The following RMDN2 variants were observed in gnomAD, a reference collection of about 807,000 sequenced individuals.
The protein encoded by RMDN2 is regulator of microtubule dynamics 2.
Under a neutral mutation model 52.8 loss-of-function variants are expected in RMDN2, and 61 were observed. The ratio of observed to expected loss-of-function variants is 1.16; its 90% CI spans 0.94 to 1.43. The LOEUF (loss-of-function observed/expected upper bound fraction) is 1.43. Among genes scored for constraint, RMDN2 ranks in the 40% most tolerant of loss-of-function variants. RMDN2 has a pLI of 0.00. For missense variants in RMDN2, 592 were observed against 475.3 expected, an observed-to-expected ratio of 1.25 and a Z score of -2.28; for synonymous variants, 180 against 153.1, an observed-to-expected ratio of 1.18 and a Z score of -1.30.
intron 10 of RMDN2, among the ~76,000 whole-genome samples, chr2:38,023,234 G>C (rs1679527680): frequency 6.6e-6 from 1 of 152,216 alleles, no homozygotes; most frequent in African/African-American, 2.4e-5. Flanking sequence ...CAGAGTCCAT[G>C]CTGTGGTCAG....
intron 10 of RMDN2, among the ~76,000 whole-genome samples, chr2:38,013,647 A>G (rs982144381): frequency 6.6e-6 from 1 of 152,220 alleles, no homozygotes. Flanking sequence ...CTTAATTAAG[A>G]TATCATATTT....
intron 3 of RMDN2, 45 bp downstream of exon 3, chr2:37,974,259 T>G (rs1239864722): frequency 8.9e-6 from 11 of 1,238,324 alleles, no homozygotes; most frequent in Non-Finnish European, 1.2e-5. Context: ...CATTTTTTAA[T>G]TTAATCTGCC....
chr2:38,034,647 T>C (rs1680451792), intron 10 of RMDN2, among the ~76,000 whole-genome samples: 1 of 151,440 alleles, frequency 6.6e-6, no homozygotes, highest in South Asian at 2.1e-4. Flanking sequence ...TCTAAACCCA[T>C]GCTCTCCAAA....
Position 38,004,056 on chromosome 2 carries a change from C to G in RMDN2, c.1098+12C>G. On this transcript the variant is annotated intron_variant, in intron 9 of 10. Transcript: ENST00000354545. ...TGTACTTAGCAAAGGTAATGAAGACCACTGTTCTGCTTTAAGATCACTTTG... is the reference window on the plus strand; with the variant it reads ...TGTACTTAGCAAAGGTAATGAAGACGACTGTTCTGCTTTAAGATCACTTTG... 1.2e-6 allele frequency: 2 copies of G among 1,610,214 alleles called. No homozygotes were observed.
At chr2:37,983,127 C>A (rs879915213) in intron 5 of RMDN2, among the ~76,000 whole-genome samples, 10 of 152,076 alleles carry the variant, frequency 6.6e-5, no homozygotes, top group Non-Finnish European at 8.8e-5. Flanking sequence ...CCTTTCCCAT[C>A]CTCTGTCCTC....
chr2:37,955,118 C>T (rs945175435), intron 2 of RMDN2, among the ~76,000 whole-genome samples: 1 of 151,794 alleles, frequency 6.6e-6, no homozygotes, highest in African/African-American at 2.4e-5. Flanking sequence ...TTTTTCCTAC[C>T]TAAAGATTGT....
intron 8 of RMDN2, among the ~76,000 whole-genome samples, chr2:38,000,930 T>A (rs1490332115): frequency 6.6e-6 from 1 of 152,220 alleles, no homozygotes; most frequent in African/African-American, 2.4e-5. Context: ...CATAAAACTA[T>A]TGATTCCAAT....
chr2:37,944,432 A>T (rs1354729371), intron 2 of RMDN2, among the ~76,000 whole-genome samples: 3 of 152,174 alleles, frequency 2.0e-5, no homozygotes, highest in Non-Finnish European at 2.9e-5. Flanking sequence ...CAGTATGAGT[A>T]TGGCTGCATT....
At chr2:37,926,517 T>C (rs1017722868) in intron 1 of RMDN2, among the ~76,000 whole-genome samples, 2 of 152,244 alleles carry the variant, frequency 1.3e-5, no homozygotes, top group East Asian at 3.8e-4. Context: ...ACCTTACAAA[T>C]TGAAACGTAA....
chr2:37,929,759 G>T (rs767299705), intron 2 of RMDN2, 30 bp downstream of exon 2: 14 of 1,380,272 alleles, frequency 1.0e-5, no homozygotes, highest in Non-Finnish European at 1.4e-5. Flanking sequence ...TTCCTATGTT[G>T]AATTGGTTAT....
intron 2 of RMDN2, among the ~76,000 whole-genome samples, chr2:37,964,468 T>C (rs146097192): frequency 4.9e-4 from 75 of 152,372 alleles, no homozygotes; most frequent in African/African-American, 1.7e-3. Flanking sequence ...TGTTTTTTAA[T>C]TCTCACATAT....
At chr2:37,931,873 A>G (rs538796938) in intron 2 of RMDN2, among the ~76,000 whole-genome samples, 63 of 152,310 alleles carry the variant, frequency 4.1e-4, no homozygotes, top group Non-Finnish European at 5.7e-4. Flanking sequence ...TGCCTTTGTT[A>G]GCAATAAAAT....
At chr2:37,962,033 CAA>C (rs1375549416) in intron 2 of RMDN2, among the ~76,000 whole-genome samples, 1 of 152,228 alleles carries the variant, frequency 6.6e-6, no homozygotes, top group Non-Finnish European at 1.5e-5. Flanking sequence ...TGCAGAACAG[CAA>C]AGATTGCTGC....
intron 5 of RMDN2, 74 bp downstream of exon 5, chr2:37,981,417 T>C (rs945559463): frequency 1.1e-6 from 1 of 931,884 alleles, no homozygotes; most frequent in Non-Finnish European, 1.7e-6. Context: ...TTTTTCAAAA[T>C]ACTATTGACT....
rs1415946918 is a variant in RMDN2 at position 38,034,828 on chromosome 2, T to TCCG, written c.1713+30612_1713+30613insCCG. ...AGAATGTTTTCTTGATTTTAAAATT[T>TCCG]AATAAGTAGAAATAAAGGAATACTG... On this transcript the variant is annotated intron_variant, in intron 10 of 10. Transcript: ENST00000234195. Among the ~76,000 whole-genome samples the TCCG allele has an allele frequency of 4.5e-5, 3 of 66,094 alleles. No individual in the cohort carries two copies. In the African/African-American group the frequency reaches 5.7e-4, roughly 12 times the overall value. 43.4% of individuals were successfully genotyped at this position (66,094 alleles called of 152,430 possible).
At chr2:37,947,368 A>G (rs1558453681) in intron 2 of RMDN2, among the ~76,000 whole-genome samples, 1 of 152,180 alleles carries the variant, frequency 6.6e-6, no homozygotes, top group Non-Finnish European at 1.5e-5. Flanking sequence ...TAATATATGG[A>G]TGAGAAAATT....
chr2:37,951,182 C>A, intron 2 of RMDN2: 1 of 1,496,672 alleles, frequency 6.7e-7, no homozygotes, highest in South Asian at 1.4e-5. Flanking sequence ...TGGCAGGTCT[C>A]CACTCTGCTC....
intron 10 of RMDN2, among the ~76,000 whole-genome samples, chr2:38,036,962 G>C (rs1380995945): frequency 1.3e-5 from 2 of 152,172 alleles, no homozygotes; most frequent in African/African-American, 4.8e-5. Context: ...GAAAAGAGTA[G>C]GTAGGGATCA....
Position 37,989,593 on chromosome 2 carries a change from A to G in RMDN2, c.844A>G (p.Ile282Val), listed in dbSNP as rs1674486699. The stretch of plus-strand genomic sequence containing the variant: ...TGAGTTTGAGGGTTTACAAAACAAA[A>G]TCAACTATGGGCACCTCTTCAAGGT... ...VSEFEGLQNK[I>V]NYGHLFKEHL... is the part of the protein sequence containing the mutation. Residue 282 changes from isoleucine to valine, a missense_variant, in exon 6 of 11, where the codon ATC becomes GTC. Coordinates refer to ENST00000354545, the MANE Select transcript of RMDN2 (RefSeq NM_001170791.3). 6.2e-6 allele frequency: 10 copies of G among 1,608,624 alleles called. No individual in the cohort carries two copies. The highest frequency in any genetic ancestry group is 8.5e-6 in the Non-Finnish European group (10 of 1,178,116).
Sources: allele counts gnomAD v4.1 joint callset (sites outside exome capture counted in the v4.1 genomes callset), GRCh38; gene constraint gnomAD v4.1.1; transcripts MANE v1.5; gene names NCBI Gene and HGNC (gene_info 2026-07-23, HGNC 2026-07-21).